ADAMTSL3: variants seen among roughly 807,000 people sequenced by gnomAD.
The protein encoded by ADAMTSL3 is ADAMTS-like protein 3.
Under a neutral mutation model 201.7 loss-of-function variants are expected in ADAMTSL3, and 128 were observed. The observed-to-expected ratio is 0.63, with a 90% CI of 0.55 to 0.73. The LOEUF is 0.73. ADAMTSL3 is among the 30% of genes least tolerant of loss of function. ADAMTSL3 has a pLI of 0.00. For synonymous variants in ADAMTSL3, 738 were observed against 748.4 expected (o/e 0.99, Z 0.23); for missense variants, 1,990 against 2,119.6 (o/e 0.94, Z 1.20).
chr15:83,724,840 A>G (rs2062150319), intron 3 of ADAMTSL3, among the ~76,000 whole-genome samples: 2 of 152,122 alleles, frequency 1.3e-5, no homozygotes, highest in Non-Finnish European at 2.9e-5. Flanking sequence ...CACTTAGCAT[A>G]AAGACCTCCA....
rs763909490 is a variant in ADAMTSL3, at chr15:84,036,974, GCCC to G, written c.4957_4959del (p.Pro1653del). 1 of 1,613,962 alleles carries G rather than the reference GCCC, an allele frequency of 6.2e-7. No homozygotes were observed. The highest frequency in any genetic ancestry group is 1.3e-5 in the African/African-American group (1 of 75,012). ...CAATTTCCTGGCGGCACTGTCTTGG[GCCC>G]TCCTGTGATAGTACGTACACCTCCC... On this transcript the variant is annotated inframe_deletion, in exon 29 of 30. Transcript: ENST00000286744.
chr15:83,670,561 C>G (rs762342188), intron 2 of ADAMTSL3, among the ~76,000 whole-genome samples: 2 of 152,138 alleles, frequency 1.3e-5, no homozygotes, highest in African/African-American at 2.4e-5. Flanking sequence ...GGAAACAATA[C>G]TTAATCCTAT....
At chr15:83,847,813 C>A (rs56182574) in intron 7 of ADAMTSL3, among the ~76,000 whole-genome samples, 1 of 151,710 alleles carries the variant, frequency 6.6e-6, no homozygotes, top group African/African-American at 2.4e-5. Context: ...TCTTTTTAGT[C>A]TAAGTGATGA....
intron 10 of ADAMTSL3, among the ~76,000 whole-genome samples, chr15:83,886,467 T>G (rs1490649539): frequency 1.3e-5 from 2 of 152,162 alleles, no homozygotes; most frequent in Non-Finnish European, 2.9e-5. Flanking sequence ...GAGCATACAG[T>G]AGTATCTTGT....
chr15:83,706,470 G>A (rs528450942), intron 3 of ADAMTSL3, among the ~76,000 whole-genome samples: 1 of 152,182 alleles, frequency 6.6e-6, no homozygotes, highest in South Asian at 2.1e-4. Flanking sequence ...TTAGGAGAAA[G>A]GAATAATTTG....
chr15:83,828,561 A>G (rs920134442), intron 6 of ADAMTSL3, among the ~76,000 whole-genome samples: 8 of 152,232 alleles, frequency 5.3e-5, no homozygotes, highest in Non-Finnish European at 7.4e-5. Flanking sequence ...TTCCAACACT[A>G]TGTTGAATAG....
At chr15:83,888,533 A>T (rs902927006) in intron 10 of ADAMTSL3, among the ~76,000 whole-genome samples, 2 of 152,172 alleles carry the variant, frequency 1.3e-5, no homozygotes, top group Non-Finnish European at 2.9e-5. Context: ...AATCTGTGTG[A>T]TGTGTGTGAA....
chr15:83,764,120 C>T (rs2062855198), intron 3 of ADAMTSL3, among the ~76,000 whole-genome samples: 1 of 152,162 alleles, frequency 6.6e-6, no homozygotes, highest in South Asian at 2.1e-4. Context: ...GATTCCAGCA[C>T]CTTTGAACTT....
rs189136758 is a variant in ADAMTSL3 at position 84,009,058 on chromosome 15, C to T, written c.3974-5484C>T. On this transcript the variant is annotated intron_variant, in intron 23 of 29. Coordinates refer to ENST00000286744, the MANE Select transcript of ADAMTSL3 (RefSeq NM_207517.3). Reference sequence around the variant, plus strand: ...CACCGTCATCTCTAGGCTGGATTATCTTGACAGGTTCCTCACTGGTCTCCC... The same window carrying T: ...CACCGTCATCTCTAGGCTGGATTATTTTGACAGGTTCCTCACTGGTCTCCC... Among the ~76,000 whole-genome samples the T allele has an allele frequency of 3.9e-4, 59 of 152,346 alleles. No homozygotes were observed. In the East Asian group the frequency reaches 9.1e-3, roughly 23 times the overall value.
intron 4 of ADAMTSL3, among the ~76,000 whole-genome samples, chr15:83,802,167 T>G (rs1009742571): frequency 6.6e-6 from 1 of 152,126 alleles, no homozygotes; most frequent in Non-Finnish European, 1.5e-5. Flanking sequence ...TCCAACTAAT[T>G]AAATAATACT....
intron 2 of ADAMTSL3, among the ~76,000 whole-genome samples, chr15:83,678,759 ATT>A (rs2061438869): frequency 1.4e-5 from 2 of 141,698 alleles, no homozygotes; most frequent in African/African-American, 5.2e-5. Context: ...TTATATATAT[ATT>A]GTGTATATAT....
In ADAMTSL3 at chr15:83,674,766, C is replaced by CATACATATAT. The variant is rs760271207; in HGVS notation, c.69+18939_69+18940insCATATATATA. Among the ~76,000 whole-genome samples the CATACATATAT allele has an allele frequency of 5.9e-3, 407 of 68,782 alleles. 5 individuals are homozygous for CATACATATAT. Among genetic ancestry groups the CATACATATAT allele is most frequent in the Non-Finnish European group, 8.8e-3 (308 of 35,176 alleles). The allele number at this position is 68,782 out of a possible 152,430, so 45.1% of individuals were successfully genotyped here. On this transcript the variant is annotated intron_variant, in intron 2 of 29. Transcript: ENST00000286744. The stretch of plus-strand genomic sequence containing the variant: ...ATATACATATATACACACATATATA[C>CATACATATAT]ATATATATATATATATATATATAAA...
At chr15:83,900,639 A>G (rs2065705548) in intron 15 of ADAMTSL3, among the ~76,000 whole-genome samples, 1 of 152,224 alleles carries the variant, frequency 6.6e-6, no homozygotes, top group South Asian at 2.1e-4. Context: ...TCCCTCTCGG[A>G]GCAGGCATTT....
chr15:83,756,608 C>CG (rs1450723589), intron 3 of ADAMTSL3, among the ~76,000 whole-genome samples: 2 of 151,384 alleles, frequency 1.3e-5, no homozygotes, highest in Admixed American at 6.6e-5. Context: ...TGCCCCCCCC[C>CG]CAAATCTCAT....
intron 3 of ADAMTSL3, among the ~76,000 whole-genome samples, chr15:83,723,752 A>G (rs1055578134): frequency 2.6e-5 from 4 of 152,192 alleles, no homozygotes. Context: ...AAAAGCAAAA[A>G]TAACAGTGGT....
chr15:83,699,054 C>T (rs956279663), intron 2 of ADAMTSL3, among the ~76,000 whole-genome samples: 1 of 151,986 alleles, frequency 6.6e-6, no homozygotes, highest in Admixed American at 6.6e-5. Flanking sequence ...GCCTGCCAAA[C>T]TCTTTCTCTA....
intron 3 of ADAMTSL3, among the ~76,000 whole-genome samples, chr15:83,714,848 C>T (rs1436601190): frequency 4.1e-5 from 3 of 73,110 alleles, no homozygotes; most frequent in Non-Finnish European, 5.3e-5. Flanking sequence ...CTTTCTCTCT[C>T]TTTCCCTCCC....
chr15:83,794,434 A>G (rs1376395646), intron 4 of ADAMTSL3, among the ~76,000 whole-genome samples: 1 of 152,224 alleles, frequency 6.6e-6, no homozygotes, highest in Non-Finnish European at 1.5e-5. Flanking sequence ...GAATCATTAA[A>G]CAAATGGTGT....
chr15:83,686,260 A>G (rs2061534564), intron 2 of ADAMTSL3, among the ~76,000 whole-genome samples: 1 of 152,162 alleles, frequency 6.6e-6, no homozygotes, highest in South Asian at 2.1e-4. Flanking sequence ...CCTGAACACA[A>G]CCAATCATAT....
Sources: allele counts gnomAD v4.1 joint callset (sites outside exome capture counted in the v4.1 genomes callset), GRCh38; gene constraint gnomAD v4.1.1; transcripts MANE v1.5; gene names NCBI Gene and HGNC (gene_info 2026-07-23, HGNC 2026-07-21).